The following GLB1 variants were observed in gnomAD, a reference collection of about 807,000 sequenced individuals.
GLB1 encodes the protein galactosidase beta 1.
Under a neutral mutation model 74.0 loss-of-function variants are expected in GLB1, and 56 were observed. That is an observed-to-expected ratio of 0.76 (90% CI 0.61 to 0.94). The LOEUF is 0.94. Among genes scored for constraint, GLB1 ranks in the 40% least tolerant of loss-of-function variants. GLB1 has a pLI of 0.00. For missense variants in GLB1, 787 were observed against 845.5 expected, an observed-to-expected ratio of 0.93 and a Z score of 0.86; for synonymous variants, 323 against 323.6, an observed-to-expected ratio of 1.00 and a Z score of 0.02.
chr3:33,024,806 G>A (rs374826347), intron 10 of GLB1, among the ~76,000 whole-genome samples: 4 of 152,294 alleles, frequency 2.6e-5, no homozygotes, highest in South Asian at 4.1e-4. Flanking sequence ...GGTAAAGGCC[G>A]TGATGTATGC....
At chr3:33,041,942 C>T (rs955798999) in intron 10 of GLB1, among the ~76,000 whole-genome samples, 1 of 152,152 alleles carries the variant, frequency 6.6e-6, no homozygotes, top group Non-Finnish European at 1.5e-5. Context: ...ACAGCCAAAA[C>T]TGAACTCCTG....
chr3:33,050,966 C>T lies in GLB1; in HGVS notation c.955+792G>A, dbSNP rs549843819. Among the ~76,000 whole-genome samples the T allele has an allele frequency of 7.9e-5, 12 of 152,292 alleles. No homozygotes were observed. The South Asian group carries it at 8.3e-4, about 11-fold the overall frequency. ...TATTTTGTCCAGGCGCAGTGGCTCACGCCTGTAATCCCAGAACTTTGGGAG... is the reference window on the plus strand; with the variant it reads ...TATTTTGTCCAGGCGCAGTGGCTCATGCCTGTAATCCCAGAACTTTGGGAG... On this transcript the variant is annotated intron_variant, in intron 9 of 15. Transcript: ENST00000307363.
intron 1 of GLB1, among the ~76,000 whole-genome samples, chr3:33,084,063 C>T (rs540394457): frequency 6.6e-6 from 1 of 152,260 alleles, no homozygotes; most frequent in East Asian, 1.9e-4. Flanking sequence ...CTCTGGTAAG[C>T]ACCTACTCAG....
At position 33,051,958 on chromosome 3, in the gene GLB1, G is replaced by A; in HGVS notation, c.839C>T (p.Pro280Leu). The change falls in exon 8 of 16, where the codon CCT becomes CTT. Residue 280 changes from proline to leucine, a missense_variant. Pro to Leu is a moderately conservative substitution (Grantham distance 98). Transcript: ENST00000307363. ...TGCTTCGGTCTTGATTGTGGAGTGAGGTTGGCCCCAGTGATCTAGCCAGCC... is the reference window on the plus strand; with the variant it reads ...TGCTTCGGTCTTGATTGTGGAGTGAAGTTGGCCCCAGTGATCTAGCCAGCC... Reference protein sequence around the residue: ...YTGWLDHWGQPHSTIKTEAVA... With the variant: ...YTGWLDHWGQLHSTIKTEAVA... The A allele has an allele frequency of 6.2e-7, 1 of 1,614,240 alleles. No individual in the cohort carries two copies. Among genetic ancestry groups the A allele is most frequent in the Non-Finnish European group, 8.5e-7 (1 of 1,180,048 alleles).
chr3:33,061,584 A>T lies in GLB1; in HGVS notation c.553-3315T>A, dbSNP rs528728487. 5 of 152,348 alleles carry T rather than the reference A, an allele frequency of 3.3e-5. No homozygotes were observed. In the East Asian group the frequency reaches 7.7e-4, roughly 23 times the overall value. 9.4% of individuals were successfully genotyped at this position (152,348 alleles called of 1,614,324 possible). ...TTACTTACAAAAAAATGTAGGTGGCAGCCATAATTTGCAGGTCTTTGTTTT... is the reference window on the plus strand; with the variant it reads ...TTACTTACAAAAAAATGTAGGTGGCTGCCATAATTTGCAGGTCTTTGTTTT... On this transcript the variant is annotated intron_variant, in intron 5 of 15. Transcript: ENST00000307363.
At chr3:33,069,922 C>G (rs1483892748) in intron 2 of GLB1, among the ~76,000 whole-genome samples, 1 of 152,098 alleles carries the variant, frequency 6.6e-6, no homozygotes, top group African/African-American at 2.4e-5. Flanking sequence ...CCCAGATAAT[C>G]TGCCTAGTAC....
intron 10 of GLB1, chr3:33,034,311 C>A: frequency 1.3e-6 from 1 of 742,022 alleles, no homozygotes; most frequent in East Asian, 2.5e-5. Context: ...AACGCTTACA[C>A]CATTGGCTGC....
the GLB1 span, among the ~76,000 whole-genome samples, chr3:32,973,352 G>A: frequency 6.7e-6 from 1 of 150,334 alleles, no homozygotes; most frequent in Non-Finnish European, 1.5e-5. Context: ...TTTTTTTTTT[G>A]AGAAGGAGTC....
At chr3:33,006,374 C>T (rs940394187) in intron 15 of GLB1, among the ~76,000 whole-genome samples, 2 of 152,144 alleles carry the variant, frequency 1.3e-5, no homozygotes, top group African/African-American at 4.8e-5. Flanking sequence ...CTAACTAATG[C>T]CTGATGATTT....
At chr3:33,025,816 T>G (rs1417741411) in intron 10 of GLB1, among the ~76,000 whole-genome samples, 1 of 152,180 alleles carries the variant, frequency 6.6e-6, no homozygotes, top group African/African-American at 2.4e-5. Context: ...CCGAGGCAGC[T>G]GACTGTGCCG....
intron 12 of GLB1, chr3:33,021,160 C>T (rs28727973): frequency 0.21 from 43,855 of 210,022 alleles, 5,161 homozygotes; most frequent in Admixed American, 0.3. Context: ...CTCAAAGAAC[C>T]TAGTCTACCA....
At chr3:33,085,285 A>AAAAC (rs1482218961) in intron 1 of GLB1, among the ~76,000 whole-genome samples, 1 of 151,522 alleles carries the variant, frequency 6.6e-6, no homozygotes, top group African/African-American at 2.4e-5. Flanking sequence ...AAAAAAAAAA[A>AAAAC]AAAAAAAAGC....
rs144488765 is a variant in GLB1, at chr3:33,040,835, T to C, written c.1068+5285A>G. Among the ~76,000 whole-genome samples the C allele has an allele frequency of 1.4e-3, 219 of 152,176 alleles. 1 individual carries two copies. The highest frequency in any genetic ancestry group is 4.4e-3 in the African/African-American group (183 of 41,520). ...GAAATAAAAGAAGAACATGTATACA[T>C]AAGGAAAAAGCAAGAGAATTTAAAA... On this transcript the variant is annotated intron_variant, in intron 10 of 15. Coordinates refer to ENST00000307363, the MANE Select transcript of GLB1 (RefSeq NM_000404.4).
chr3:33,058,662 A>G (rs1274669331), intron 5 of GLB1, among the ~76,000 whole-genome samples: 1 of 152,210 alleles, frequency 6.6e-6, no homozygotes, highest in African/African-American at 2.4e-5. Flanking sequence ...TTGCCCAGAG[A>G]TAATCACTGC....
downstream of GLB1, among the ~76,000 whole-genome samples, chr3:32,993,522 ATTTTT>A (rs746774682): frequency 1.3e-4 from 8 of 62,288 alleles, no homozygotes; most frequent in South Asian, 8.8e-4. Context: ...CATCCAGCTA[ATTTTT>A]TTTTTTTTTT....
At chr3:33,030,474 CAGACATA>C in intron 10 of GLB1, 1 of 982,618 alleles carries the variant, frequency 1.0e-6, no homozygotes, top group Non-Finnish European at 1.2e-6. Flanking sequence ...CTGTAACCAT[CAGACATA>C]AAACACTGGT....
At chr3:32,967,243 A>C in the GLB1 span, among the ~76,000 whole-genome samples, 1 of 152,248 alleles carries the variant, frequency 6.6e-6, no homozygotes, top group East Asian at 1.9e-4. Context: ...GAAATCCACT[A>C]TAAAACTATT....
At chr3:33,059,242 C>CATAT (rs1319281240) in intron 5 of GLB1, among the ~76,000 whole-genome samples, 8 of 39,668 alleles carry the variant, frequency 2.0e-4, no homozygotes, top group African/African-American at 5.9e-4. Context: ...TTATATAAAA[C>CATAT]ATACACACAC....
At chr3:33,045,233 C>T (rs1698691072) in intron 10 of GLB1, 5 of 590,956 alleles carry the variant, frequency 8.5e-6, no homozygotes, top group African/African-American at 2.0e-5. Context: ...CTGATTTGCT[C>T]ATAGACTCAC....
Sources: allele counts gnomAD v4.1 joint callset (sites outside exome capture counted in the v4.1 genomes callset), GRCh38; gene constraint gnomAD v4.1.1; transcripts MANE v1.5; gene names NCBI Gene and HGNC (gene_info 2026-07-23, HGNC 2026-07-21).